Variants in ARHGAP6 observed in about 807,000 individuals in gnomAD.
ARHGAP6 encodes rho GTPase-activating protein 6.
ARHGAP6 carries 16 observed loss-of-function variants against 55.7 expected under a neutral mutation model. The ratio of observed to expected loss-of-function variants is 0.29; its 90% confidence interval spans 0.19 to 0.44. ARHGAP6 has a LOEUF of 0.44. Among genes scored for constraint, ARHGAP6 ranks in the 20% least tolerant of loss-of-function variants. The pLI is 1.00. For synonymous variants in ARHGAP6, 382 were observed against 360.9 expected, an observed-to-expected ratio of 1.06 and a Z score of -0.66; for missense variants, 698 against 808.9, an observed-to-expected ratio of 0.86 and a Z score of 1.66.
At chrX:11,487,486 C>T (rs1241993266) in intron 1 of ARHGAP6, among the ~76,000 whole-genome samples, 1 of 112,020 alleles carries the variant, frequency 8.9e-6, no homozygotes, top group African/African-American at 3.2e-5. Context: ...TTCAGGGCTT[C>T]AGATTCAGCA....
intron 2 of ARHGAP6, among the ~76,000 whole-genome samples, chrX:11,249,131 T>G (rs1372035859): frequency 9.0e-6 from 1 of 111,553 alleles, no homozygotes; most frequent in Non-Finnish European, 1.9e-5. Context: ...GCGACCTGGA[T>G]GGGATTGGAG....
At chrX:11,362,478 G>C (rs943013665) in intron 1 of ARHGAP6, among the ~76,000 whole-genome samples, 2 of 109,655 alleles carry the variant, frequency 1.8e-5, no homozygotes, top group Non-Finnish European at 3.8e-5. Flanking sequence ...ACACAGGAAG[G>C]GGAACATCAC....
At chrX:11,620,407 C>T (rs2052214268) in intron 1 of ARHGAP6, among the ~76,000 whole-genome samples, 1 of 112,575 alleles carries the variant, frequency 8.9e-6, no homozygotes, top group Admixed American at 9.4e-5. Context: ...CAAAAGAATA[C>T]TGAAAAGACA....
rs1488250444 is a variant in ARHGAP6 at position 11,177,996 on chromosome X, G to A, written c.1629+104C>T. On this transcript the variant is annotated intron_variant, in intron 8 of 12. Transcript: ENST00000337414. ...ACAGAGACAGCTAGGTTGGAGAAGG[G>A]GAGACATCATTACCTCCAGGCAAAA... is the stretch of plus-strand genomic sequence containing the variant. 1.3e-4 allele frequency: 130 copies of A among 1,010,157 alleles called. No homozygotes were observed. The East Asian group carries it at 3.9e-3, about 30-fold the overall frequency. The allele number at this position is 1,010,157 out of a possible 1,213,427, so 83.2% of individuals were successfully genotyped here.
At chrX:11,336,958 C>A (rs1033033220) in intron 1 of ARHGAP6, among the ~76,000 whole-genome samples, 1 of 111,027 alleles carries the variant, frequency 9.0e-6, no homozygotes, top group Non-Finnish European at 1.9e-5. Context: ...GAGACGTACA[C>A]CGGGTCAGTT....
chrX:11,577,546 AAG>A (rs1394635057), intron 1 of ARHGAP6, among the ~76,000 whole-genome samples: 1 of 111,988 alleles, frequency 8.9e-6, no homozygotes, highest in Non-Finnish European at 1.9e-5. Flanking sequence ...AACTACTAGA[AAG>A]AGAGTTGCAG....
intron 1 of ARHGAP6, among the ~76,000 whole-genome samples, chrX:11,631,386 G>A (rs1379208462): frequency 9.1e-6 from 1 of 109,961 alleles, no homozygotes; most frequent in Non-Finnish European, 1.9e-5. Flanking sequence ...TTAGCCAGGC[G>A]TGGTGGCAGG....
intron 1 of ARHGAP6, among the ~76,000 whole-genome samples, chrX:11,344,339 T>C (rs1246386508): frequency 9.0e-6 from 1 of 110,962 alleles, no homozygotes; most frequent in African/African-American, 3.3e-5. Flanking sequence ...GGTCGGTCCA[T>C]TGGGGGTTCT....
intron 9 of ARHGAP6, among the ~76,000 whole-genome samples, chrX:11,162,291 A>G (rs1468927222): frequency 9.4e-6 from 1 of 106,229 alleles, no homozygotes; most frequent in Non-Finnish European, 1.9e-5. Flanking sequence ...ATGGCAGAGC[A>G]GAGAGAGAGA....
chrX:11,154,177 A>C (rs887666414), intron 10 of ARHGAP6, among the ~76,000 whole-genome samples: 1 of 111,715 alleles, frequency 9.0e-6, no homozygotes, highest in African/African-American at 3.3e-5. Flanking sequence ...GTATTCCATG[A>C]TGTATATGTG....
At chrX:11,164,329 A>G (rs965404741) in intron 9 of ARHGAP6, among the ~76,000 whole-genome samples, 5 of 112,187 alleles carry the variant, frequency 4.5e-5, no homozygotes, top group Non-Finnish European at 9.4e-5. Flanking sequence ...GATTTAAACA[A>G]GCCAATAATG....
chrX:11,146,492 C>T (rs2045693549), intron 10 of ARHGAP6, among the ~76,000 whole-genome samples: 1 of 112,494 alleles, frequency 8.9e-6, no homozygotes, highest in Admixed American at 9.3e-5. Flanking sequence ...ACAGTTTCCC[C>T]ACCCCCCAGT....
At position 11,354,323 on chromosome X, in the gene ARHGAP6, CTCTCTATA is replaced by C. The variant is rs1483433630; in HGVS notation, c.589-99624_589-99617del. ...TCTCTCTCTCTCTCTCTCTCTCTCTCTCTCTATATATATATATATATATATATATATAT... is the reference window on the plus strand; with the variant it reads ...TCTCTCTCTCTCTCTCTCTCTCTCTCTATATATATATATATATATATATAT... On this transcript the variant is annotated intron_variant, in intron 1 of 12. Coordinates refer to ENST00000337414, the MANE Select transcript of ARHGAP6 (RefSeq NM_013427.3). Among the ~76,000 whole-genome samples, 268 of 57,049 alleles carry C rather than the reference CTCTCTATA, an allele frequency of 4.7e-3. 1 individual carries two copies. Among genetic ancestry groups the C allele is most frequent in the East Asian group, 0.015 (24 of 1,558 alleles). 49.5% of individuals were successfully genotyped at this position (57,049 alleles called of 115,157 possible).
intron 1 of ARHGAP6, among the ~76,000 whole-genome samples, chrX:11,420,045 G>C (rs1347395894): frequency 8.9e-6 from 1 of 112,283 alleles, no homozygotes; most frequent in Non-Finnish European, 1.9e-5. Flanking sequence ...TCATTTGAAA[G>C]AGTCATGGCA....
chrX:11,503,674 T>C (rs2040101196), intron 1 of ARHGAP6, among the ~76,000 whole-genome samples: 1 of 111,703 alleles, frequency 9.0e-6, no homozygotes, highest in African/African-American at 3.3e-5. Flanking sequence ...TCTTTCTCTC[T>C]CTCGGATCTT....
intron 1 of ARHGAP6, among the ~76,000 whole-genome samples, chrX:11,575,002 G>GC (rs925988240): frequency 2.7e-5 from 3 of 112,130 alleles, no homozygotes; most frequent in Non-Finnish European, 3.8e-5. Flanking sequence ...TTTGAAGTAA[G>GC]CACAAGAAGA....
intron 1 of ARHGAP6, among the ~76,000 whole-genome samples, chrX:11,523,760 T>C (rs1208408417): frequency 1.8e-5 from 2 of 110,723 alleles, no homozygotes; most frequent in Non-Finnish European, 3.8e-5. Flanking sequence ...TTCTCCCCAA[T>C]AACAAAAGTA....
intron 1 of ARHGAP6, among the ~76,000 whole-genome samples, chrX:11,514,838 G>GCACACA (rs71928650): frequency 4.4e-4 from 42 of 96,255 alleles, no homozygotes; most frequent in African/African-American, 1.4e-3. Flanking sequence ...TCTATGCATT[G>GCACACA]CACACACACA....
chrX:11,507,475 A>G (rs955043999), intron 1 of ARHGAP6, among the ~76,000 whole-genome samples: 2 of 112,090 alleles, frequency 1.8e-5, no homozygotes, highest in Non-Finnish European at 3.8e-5. Flanking sequence ...CATAAAGTGT[A>G]CATTTGTATC....
Sources: allele counts gnomAD v4.1 joint callset (sites outside exome capture counted in the v4.1 genomes callset), GRCh38; gene constraint gnomAD v4.1.1; transcripts MANE v1.5; gene names NCBI Gene and HGNC (gene_info 2026-07-23, HGNC 2026-07-21).